SPTLC3: variants seen among roughly 807,000 people sequenced by gnomAD.
SPTLC3 encodes serine palmitoyltransferase 3.
In SPTLC3, 36 loss-of-function variants were observed where a neutral mutation model predicts 59.3. The observed-to-expected ratio is 0.61, with a 90% CI of 0.47 to 0.80. The LOEUF (loss-of-function observed/expected upper bound fraction) is 0.80. SPTLC3 is among the 30% of genes least tolerant of loss of function. The pLI is 0.00. For missense variants in SPTLC3, 625 were observed against 685.1 expected, an observed-to-expected ratio of 0.91 and a Z score of 0.98; for synonymous variants, 257 against 240.8, an observed-to-expected ratio of 1.07 and a Z score of -0.62.
intron 1 of SPTLC3, among the ~76,000 whole-genome samples, chr20:13,032,400 G>A (rs929684277): frequency 6.6e-6 from 1 of 152,136 alleles, no homozygotes; most frequent in Non-Finnish European, 1.5e-5. Context: ...CCCAATGAAA[G>A]CACACCTTTC....
chr20:13,101,297 G>A (rs1263684067), intron 6 of SPTLC3, among the ~76,000 whole-genome samples: 3 of 152,182 alleles, frequency 2.0e-5, no homozygotes, highest in African/African-American at 7.2e-5. Flanking sequence ...GGCAGGATGT[G>A]CACAGCACTT....
chr20:13,033,038 A>T (rs1986570462), intron 1 of SPTLC3, among the ~76,000 whole-genome samples: 1 of 152,138 alleles, frequency 6.6e-6, no homozygotes, highest in South Asian at 2.1e-4. Flanking sequence ...ATCAAGAACT[A>T]AGACTTGGGT....
At chr20:13,017,859 G>T (rs1985614434) in intron 1 of SPTLC3, among the ~76,000 whole-genome samples, 1 of 152,144 alleles carries the variant, frequency 6.6e-6, no homozygotes, top group Admixed American at 6.6e-5. Flanking sequence ...TGATGGAAGG[G>T]ACAATCTGGG....
At chr20:13,111,169 G>A (rs1443645920) in intron 7 of SPTLC3, among the ~76,000 whole-genome samples, 1 of 152,132 alleles carries the variant, frequency 6.6e-6, no homozygotes, top group African/African-American at 2.4e-5. Flanking sequence ...CTGCCCCCAT[G>A]GTTAGGGTTC....
intron 9 of SPTLC3, among the ~76,000 whole-genome samples, chr20:13,152,367 C>T (rs527268660): frequency 1.3e-5 from 2 of 152,272 alleles, no homozygotes; most frequent in South Asian, 2.1e-4. Context: ...TTAGTAGCCA[C>T]CACCTGAATT....
chr20:13,111,554 G>A (rs774639888), intron 7 of SPTLC3, among the ~76,000 whole-genome samples: 4 of 152,270 alleles, frequency 2.6e-5, no homozygotes, highest in South Asian at 2.1e-4. Flanking sequence ...CTGACAACTC[G>A]TAGGCCTTAA....
intron 8 of SPTLC3, 147 bp downstream of exon 8, chr20:13,117,872 C>T (rs1990654123): frequency 4.5e-6 from 3 of 672,164 alleles, no homozygotes. Context: ...GGTTCACAGC[C>T]AGATAAGGCC....
chr20:13,028,089 G>A (rs74802690), intron 1 of SPTLC3, among the ~76,000 whole-genome samples: 8,377 of 152,190 alleles, frequency 0.055, 274 homozygotes, highest in South Asian at 0.084. Context: ...TTGATGACAC[G>A]GTTGGAACTC....
At chr20:13,133,880 C>G (rs987087134) in intron 9 of SPTLC3, among the ~76,000 whole-genome samples, 1 of 152,198 alleles carries the variant, frequency 6.6e-6, no homozygotes, top group African/African-American at 2.4e-5. Context: ...CTAACAACCC[C>G]CACCTGGCAA....
chr20:13,009,317 A>G lies in SPTLC3; in HGVS notation c.50A>G (p.His17Arg). The G allele has an allele frequency of 1.2e-6, 2 of 1,614,142 alleles. No homozygotes were observed. Among genetic ancestry groups the G allele is most frequent in the South Asian group, 2.2e-5 (2 of 91,090 alleles). The stretch of plus-strand genomic sequence containing the variant: ...GTTTGCAACGGGAAACTTCACAATC[A>G]CAAGAAACAGAGCAATGGCTCACAA... ...GAVCNGKLHNHKKQSNGSQSR... is the reference protein window; with the variant it reads ...GAVCNGKLHNRKKQSNGSQSR... The change falls in exon 1 of 12, where the codon CAC (histidine) becomes CGC (arginine). Residue 17 changes from histidine to arginine, a missense_variant. His to Arg is a conservative substitution (Grantham distance 29). Transcript: ENST00000399002.
intron 3 of SPTLC3, among the ~76,000 whole-genome samples, chr20:13,073,204 C>T (rs1219393084): frequency 2.3e-5 from 3 of 128,886 alleles, no homozygotes; most frequent in Admixed American, 1.6e-4. Context: ...TTATCTCCCC[C>T]TCCTCCCTAC....
intron 9 of SPTLC3, among the ~76,000 whole-genome samples, chr20:13,136,125 T>G (rs931006885): frequency 3.9e-5 from 6 of 152,336 alleles, no homozygotes; most frequent in African/African-American, 1.4e-4. Flanking sequence ...TCTCTATTTT[T>G]CTTCAAAGTC....
At chr20:13,111,983 C>A (rs765738521) in intron 7 of SPTLC3, among the ~76,000 whole-genome samples, 1 of 152,206 alleles carries the variant, frequency 6.6e-6, no homozygotes, top group Non-Finnish European at 1.5e-5. Context: ...ACAAGGGACC[C>A]AGGTGTGGAC....
intron 9 of SPTLC3, among the ~76,000 whole-genome samples, chr20:13,138,891 A>C (rs1156553301): frequency 2.6e-5 from 4 of 152,216 alleles, no homozygotes; most frequent in African/African-American, 9.6e-5. Context: ...TTTTTCCTTT[A>C]ATTATCAAGC....
intron 1 of SPTLC3, among the ~76,000 whole-genome samples, chr20:13,016,628 G>T (rs1437224229): frequency 6.6e-6 from 1 of 152,026 alleles, no homozygotes; most frequent in Non-Finnish European, 1.5e-5. Flanking sequence ...ATGATAATAG[G>T]CTTAGAGACC....
chr20:13,020,088 C>A (rs1985789281), intron 1 of SPTLC3, among the ~76,000 whole-genome samples: 1 of 152,024 alleles, frequency 6.6e-6, no homozygotes, highest in South Asian at 2.1e-4. Context: ...TAGAAAAAAA[C>A]AGCAAATCAA....
At chr20:13,109,072 T>TA (rs967520597) in intron 6 of SPTLC3, among the ~76,000 whole-genome samples, 5 of 152,270 alleles carry the variant, frequency 3.3e-5, no homozygotes, top group Admixed American at 1.3e-4. Flanking sequence ...GCTTAAATGT[T>TA]AAAAACAAAA....
At chr20:13,142,420 A>G (rs901170125) in intron 9 of SPTLC3, among the ~76,000 whole-genome samples, 10 of 152,162 alleles carry the variant, frequency 6.6e-5, no homozygotes, top group African/African-American at 1.9e-4. Context: ...ACATTATTCC[A>G]TCTGTAGCAT....
chr20:13,101,355 CATATGTAGGAGT>C, intron 6 of SPTLC3, among the ~76,000 whole-genome samples: 1 of 152,144 alleles, frequency 6.6e-6, no homozygotes, highest in Non-Finnish European at 1.5e-5. Flanking sequence ...GCTGCCAGGC[CATATGTAGGAGT>C]CAGAAAGCTA....
Sources: gnomAD v4.1 joint callset for allele counts (sites outside exome capture counted in the v4.1 genomes callset) on GRCh38, gnomAD v4.1.1 for gene constraint, MANE v1.5 for transcripts, NCBI Gene and HGNC (gene_info 2026-07-23, HGNC 2026-07-21) for gene names.